Variants in PLCB1 observed in about 807,000 individuals in gnomAD.
PLCB1 encodes phospholipase C beta 1.
In PLCB1, 46 loss-of-function variants were observed where a neutral mutation model predicts 161.8. The ratio of observed to expected loss-of-function variants is 0.28; its 90% CI spans 0.22 to 0.36. The LOEUF is 0.36. Ranked by LOEUF, PLCB1 falls within the 10% of genes least tolerant of loss-of-function variation. The probability of loss-of-function intolerance (pLI) is 1.00; values close to 1 mark genes in which losing one functional copy is unlikely to be tolerated. For missense variants in PLCB1, 1,016 were observed against 1,472.5 expected (o/e 0.69, Z 5.07); for synonymous variants, 517 against 503.7 (o/e 1.03, Z -0.35).
chr20:8,547,082 A>C (rs1568502793), intron 3 of PLCB1, among the ~76,000 whole-genome samples: 1 of 152,170 alleles, frequency 6.6e-6, no homozygotes, highest in Non-Finnish European at 1.5e-5. Context: ...AATAACAGGA[A>C]TTCTTCTCTG....
intron 27 of PLCB1, among the ~76,000 whole-genome samples, chr20:8,781,379 G>A (rs6056107): frequency 0.59 from 88,973 of 150,942 alleles, 27,085 homozygotes; most frequent in Non-Finnish European, 0.66. Flanking sequence ...TATTACCCCA[G>A]TGGGATTCAC....
intron 2 of PLCB1, among the ~76,000 whole-genome samples, chr20:8,370,370 G>A (rs1205728757): frequency 6.6e-6 from 1 of 152,130 alleles, no homozygotes; most frequent in Non-Finnish European, 1.5e-5. Flanking sequence ...CTAGCCAATG[G>A]AATATTGAAT....
intron 10 of PLCB1, among the ~76,000 whole-genome samples, chr20:8,686,341 AC>A (rs1231135754): frequency 2.0e-5 from 3 of 152,200 alleles, no homozygotes; most frequent in African/African-American, 7.2e-5. Flanking sequence ...TATATTTAGG[AC>A]CACAAAACTC....
intron 2 of PLCB1, among the ~76,000 whole-genome samples, chr20:8,163,073 T>C (rs2051641535): frequency 6.6e-6 from 1 of 152,206 alleles, no homozygotes; most frequent in African/African-American, 2.4e-5. Context: ...AACAGTTGAC[T>C]GCAAGGAAAG....
intron 31 of PLCB1, among the ~76,000 whole-genome samples, chr20:8,842,878 T>C (rs1986560073): frequency 6.6e-6 from 1 of 152,190 alleles, no homozygotes; most frequent in Non-Finnish European, 1.5e-5. Context: ...CTGGGCTATC[T>C]GCCTGTGGAT....
At chr20:8,392,422 G>A (rs778350817) in intron 3 of PLCB1, among the ~76,000 whole-genome samples, 8 of 152,030 alleles carry the variant, frequency 5.3e-5, no homozygotes, top group East Asian at 1.9e-4. Context: ...TAAATTGGCC[G>A]GTCTGTTTGT....
chr20:8,275,778 C>T (rs1982512658), intron 2 of PLCB1, among the ~76,000 whole-genome samples: 1 of 152,136 alleles, frequency 6.6e-6, no homozygotes, highest in South Asian at 2.1e-4. Flanking sequence ...GTGCATTGTC[C>T]CTGTGGGGGA....
chr20:8,648,544 A>T (rs554835197), intron 6 of PLCB1, among the ~76,000 whole-genome samples: 1 of 152,194 alleles, frequency 6.6e-6, no homozygotes, highest in Non-Finnish European at 1.5e-5. Context: ...CTTAAGTTCT[A>T]TTTTTAAATC....
Position 8,701,787 on chromosome 20 carries a change from C to T in PLCB1, c.1167+4004C>T, listed in dbSNP as rs944505990. Among the ~76,000 whole-genome samples, 7 of 152,258 alleles carry T rather than the reference C, an allele frequency of 4.6e-5. No homozygotes were observed. The East Asian group carries it at 9.6e-4, about 21-fold the overall frequency. ...GCAAGTAGATCAAATACAGCATAAC[C>T]TCCATTTTCAGTCTTTCTTGCCTCT... On this transcript the variant is annotated intron_variant, in intron 11 of 31. Transcript: ENST00000338037.
At chr20:8,761,946 C>T (rs532844990) in intron 25 of PLCB1, among the ~76,000 whole-genome samples, 17 of 149,864 alleles carry the variant, frequency 1.1e-4, no homozygotes, top group South Asian at 2.1e-4. Context: ...TGGTGGCTCA[C>T]GCCTGTAATC....
At chr20:8,783,561 T>C (rs1446827577) in intron 27 of PLCB1, among the ~76,000 whole-genome samples, 1 of 152,242 alleles carries the variant, frequency 6.6e-6, no homozygotes, top group Non-Finnish European at 1.5e-5. Flanking sequence ...TGTTTTTATT[T>C]TATCCTTATT....
intron 2 of PLCB1, among the ~76,000 whole-genome samples, chr20:8,240,444 A>G (rs1031044887): frequency 3.3e-5 from 5 of 152,000 alleles, no homozygotes; most frequent in African/African-American, 4.8e-5. Flanking sequence ...CTACTTCACT[A>G]TTTTTATTTG....
chr20:8,352,629 C>G (rs1986218110), intron 2 of PLCB1, among the ~76,000 whole-genome samples: 1 of 151,972 alleles, frequency 6.6e-6, no homozygotes, highest in Non-Finnish European at 1.5e-5. Flanking sequence ...AACAACCTTA[C>G]TGAAGGCAAT....
intron 3 of PLCB1, among the ~76,000 whole-genome samples, chr20:8,470,972 A>G (rs749025225): frequency 2.0e-5 from 3 of 152,188 alleles, no homozygotes; most frequent in Non-Finnish European, 4.4e-5. Context: ...GCAATGAGAA[A>G]AAAAAGAATT....
intron 31 of PLCB1, among the ~76,000 whole-genome samples, chr20:8,848,349 C>T (rs1986764530): frequency 6.6e-6 from 1 of 152,140 alleles, no homozygotes; most frequent in African/African-American, 2.4e-5. Context: ...CAATCTTTAG[C>T]TCTCCCACCA....
intron 2 of PLCB1, among the ~76,000 whole-genome samples, chr20:8,167,073 G>T (rs1245822442): frequency 6.6e-6 from 1 of 152,130 alleles, no homozygotes; most frequent in Non-Finnish European, 1.5e-5. Flanking sequence ...AATTTCCATG[G>T]TGTAAATACT....
At chr20:8,330,962 C>T (rs1985344710) in intron 2 of PLCB1, among the ~76,000 whole-genome samples, 1 of 152,210 alleles carries the variant, frequency 6.6e-6, no homozygotes, top group African/African-American at 2.4e-5. Context: ...CAAAGCGCTT[C>T]TGGTACATAT....
At chr20:8,854,324 G>C (rs2327116) in intron 31 of PLCB1, among the ~76,000 whole-genome samples, 118,467 of 152,014 alleles carry the variant, frequency 0.78, 46,709 homozygotes, top group East Asian at 0.86. Context: ...TCTTGCAGAG[G>C]TCCCAGGCCT....
chr20:8,752,103 C>T (rs544192869), intron 23 of PLCB1: 1 of 152,172 alleles, frequency 6.6e-6, no homozygotes, highest in East Asian at 1.9e-4. Flanking sequence ...GTACGGATGC[C>T]TTTTTAGTGC....
Sources: gnomAD v4.1 joint callset for allele counts (sites outside exome capture counted in the v4.1 genomes callset) on GRCh38, gnomAD v4.1.1 for gene constraint, MANE v1.5 for transcripts, NCBI Gene and HGNC (gene_info 2026-07-23, HGNC 2026-07-21) for gene names.